TREH: variants seen among roughly 807,000 people sequenced by gnomAD.
TREH encodes alpha,alpha-trehalose glucohydrolase.
In TREH, 69 loss-of-function variants were observed where a neutral mutation model predicts 80.5. The ratio of observed to expected loss-of-function variants is 0.86; its 90% confidence interval spans 0.71 to 1.05. The LOEUF is 1.05. Ranked by LOEUF, TREH falls within the 50% of genes least tolerant of loss-of-function variation. The pLI, the probability that TREH is intolerant of heterozygous loss-of-function variation, is 0.00. For synonymous variants in TREH, 309 were observed against 293.5 expected (o/e 1.05, Z -0.54); for missense variants, 716 against 718.8 (o/e 1.00, Z 0.04).
chr11:118,675,066 C>A (rs1949464735), intron 1 of TREH, among the ~76,000 whole-genome samples: 1 of 134,886 alleles, frequency 7.4e-6, no homozygotes, highest in Non-Finnish European at 1.6e-5. Context: ...AGTCAACTCC[C>A]CAAAAGTTAG....
rs782653903 is a variant in TREH at position 118,679,618 on chromosome 11, T to G, written c.10A>C (p.Arg4=). 2 of 1,529,110 alleles carry G rather than the reference T, an allele frequency of 1.3e-6. No individual in the cohort carries two copies. The highest frequency in any genetic ancestry group is 2.7e-5 in the African/African-American group (2 of 73,042). 94.7% of individuals were successfully genotyped at this position (1,529,110 alleles called of 1,614,324 possible). Residue 4 remains arginine, a synonymous_variant, in exon 1 of 15, where the codon AGG becomes CGG. Transcript: ENST00000264029. ...AGTAGCAGGCACAGCTCCCAGGTCC[T>G]CCCTGGCATGGTGGCTGTGACTGTG... MPG[R]TWELCLLLLL... is the part of the protein sequence containing the mutation.
rs58330409 is a variant in TREH, at chr11:118,674,704, G to A, written c.89+4835C>T. Among the ~76,000 whole-genome samples the A allele has an allele frequency of 0.01, 1,589 of 152,122 alleles. 25 individuals carry two copies. Among genetic ancestry groups the A allele is most frequent in the African/African-American group, 0.035 (1,442 of 41,488 alleles). ...ATTACAGGTGCGCACCACCACACCC[G>A]GCTAATTTTGTATTTTTAGTAGAGA... On this transcript the variant is annotated intron_variant, in intron 1 of 14. Transcript: ENST00000264029. This position sits in a 1 kb window ranked among gnomAD's most constrained non-coding sequence, Gnocchi z 4.4.
chr11:118,664,101 T>A (rs1555145468), intron 1 of TREH, among the ~76,000 whole-genome samples: 1 of 152,116 alleles, frequency 6.6e-6, no homozygotes, highest in East Asian at 1.9e-4. Context: ...GAGGTGCTAA[T>A]GGTATTCAGG....
chr11:118,661,076 C>G lies in TREH; in HGVS notation c.857+84G>C, dbSNP rs1949315752. On this transcript the variant is annotated intron_variant, in intron 8 of 14. Coordinates refer to ENST00000264029, the MANE Select transcript of TREH (RefSeq NM_007180.3). This position sits in a 1 kb window ranked among gnomAD's most constrained non-coding sequence, Gnocchi z 4.2. Reference sequence around the variant, plus strand: ...CCATCTGAGAGGCCAGGCTAAGTCACTCCTCCTCCTGCCCGGGGCATTGTG... The same window carrying G: ...CCATCTGAGAGGCCAGGCTAAGTCAGTCCTCCTCCTGCCCGGGGCATTGTG... The G allele has an allele frequency of 6.3e-7, 1 of 1,597,302 alleles. No homozygotes were observed. The highest frequency in any genetic ancestry group is 8.5e-7 in the Non-Finnish European group (1 of 1,170,268).
chr11:118,668,920 T>A (rs1329505983), intron 1 of TREH, among the ~76,000 whole-genome samples: 1 of 151,982 alleles, frequency 6.6e-6, no homozygotes, highest in Non-Finnish European at 1.5e-5. Context: ...CAAGACTCCA[T>A]CTCGGAATGA....
intron 1 of TREH, among the ~76,000 whole-genome samples, chr11:118,665,480 AG>A (rs1437395894): frequency 1.3e-5 from 2 of 152,046 alleles, no homozygotes; most frequent in Admixed American, 1.3e-4. Context: ...TCTACTAAAA[AG>A]TACAAAAAAT....
Position 118,658,749 on chromosome 11 carries a change from T to G in TREH, c.1546-16A>C, listed in dbSNP as rs1949260496. On this transcript the variant is annotated splice_polypyrimidine_tract_variant and intron_variant, in intron 13 of 14. Transcript: ENST00000264029. ...TGACGTCATACTGGGGACAAGCGGG[T>G]GGGCTGTATGTCAGGTACTGCCCCC... The G allele has an allele frequency of 6.2e-7, 1 of 1,608,174 alleles. No homozygotes were observed. Among genetic ancestry groups the G allele is most frequent in the African/African-American group, 1.3e-5 (1 of 74,770 alleles).
intron 1 of TREH, among the ~76,000 whole-genome samples, chr11:118,670,154 A>G (rs1949417958): frequency 6.6e-6 from 1 of 152,232 alleles, no homozygotes; most frequent in African/African-American, 2.4e-5. Context: ...GGTCAGGCTG[A>G]TATCACTTGG....
rs781785205 is a variant in TREH at position 118,661,253 on chromosome 11, A to G, written c.764T>C (p.Leu255Ser). 6.2e-7 allele frequency: 1 copy of G among 1,613,902 alleles called. No homozygotes were observed. Among genetic ancestry groups the G allele is most frequent in the Non-Finnish European group, 8.5e-7 (1 of 1,179,870 alleles). ...AGTCCTGTTCTTGGTCCAAAAGTCC[A>G]ATTCCAAGGCTAGTGTTTCAATGTT... Reference protein sequence around the residue: ...QENIETLALELDFWTKNRTVS... With the variant: ...QENIETLALESDFWTKNRTVS... The change falls in exon 8 of 15, where the codon TTG (leucine) becomes TCG (serine). Residue 255 changes from leucine to serine, a missense_variant. Coordinates refer to ENST00000264029, the MANE Select transcript of TREH (RefSeq NM_007180.3). The surrounding 1 kb of genome is among the most constrained non-coding windows in gnomAD (Gnocchi z 4.2).
In TREH at chr11:118,676,193, C is replaced by T. The variant is rs77757835; in HGVS notation, c.89+3346G>A. 6.3e-3 allele frequency among the ~76,000 whole-genome samples: 954 copies of T among 152,342 alleles called. 12 individuals are homozygous for T. Among genetic ancestry groups the T allele is most frequent in the African/African-American group, 0.021 (887 of 41,564 alleles). On this transcript the variant is annotated intron_variant, in intron 1 of 14. Transcript: ENST00000264029. ...ACACACATGCTTGGCCTTTCTGGCA[C>T]GGCCTGCCTTCATGTGGAGTCGTCT...
At chr11:118,663,470 TCAC>T (rs1333656547) in intron 1 of TREH, 31 bp from the exon 2 acceptor site, 10 of 1,514,964 alleles carry the variant, frequency 6.6e-6, no homozygotes, top group Non-Finnish European at 8.1e-6. Context: ...GCAGGTCAGG[TCAC>T]CACCACCACC....
Position 118,679,555 on chromosome 11 carries a change from G to A in TREH, c.73C>T (p.Pro25Ser). Residue 25 changes from proline to serine, a missense_variant, in exon 1 of 15, where the codon CCC becomes TCC. By Grantham distance (74) the Pro-to-Ser change is moderately conservative. Transcript: ENST00000264029. ...CACCCCTACCTCTCACAGGGTGGGG[G>A]TAGGGCCTCCTGGGACCCCAGTCCC... ...GLGLGSQEAL[P>S]PPCESEIYCH... is the part of the protein sequence containing the mutation. The A allele has an allele frequency of 1.3e-6, 2 of 1,540,928 alleles. No individual in the cohort carries two copies. The highest frequency in any genetic ancestry group is 1.4e-5 in the African/African-American group (1 of 73,374).
At chr11:118,679,451 C>T in intron 1 of TREH, 88 bp downstream of exon 1, 2 of 1,354,846 alleles carry the variant, frequency 1.5e-6, no homozygotes, top group Non-Finnish European at 1.9e-6. Flanking sequence ...CTTCCTTTCC[C>T]TCTGAAGTAC....
chr11:118,660,069 A>G, intron 10 of TREH, 105 bp from the exon 11 acceptor site: 1 of 1,076,796 alleles, frequency 9.3e-7, no homozygotes, highest in Admixed American at 2.3e-5. Context: ...TTCTCTGCAA[A>G]GGCTGAGACA....
chr11:118,665,907 G>C (rs1555145629), intron 1 of TREH, among the ~76,000 whole-genome samples: 1 of 152,180 alleles, frequency 6.6e-6, no homozygotes, highest in African/African-American at 2.4e-5. Context: ...CAGTGGCCAA[G>C]CCTAATGTCC....
chr11:118,657,969 TG>T lies in TREH; in HGVS notation c.*319del, dbSNP rs782698332. On this transcript the variant is annotated 3_prime_UTR_variant, in exon 15 of 15. Transcript: ENST00000264029. ...AGCCCTTGGTTGCCTGGGCCCAGGC[TG>T]GGGGTTTTCAGTATTTGTAAGCATT... 1.7e-5 allele frequency: 5 copies of T among 295,900 alleles called. No homozygotes were observed. The highest frequency in any genetic ancestry group is 2.6e-5 in the Non-Finnish European group (4 of 156,276). 18.3% of individuals were successfully genotyped at this position (295,900 alleles called of 1,614,324 possible). A position where few individuals can be genotyped will look rare whatever the true frequency, so the allele number is the denominator to read the frequency against.
chr11:118,678,866 G>A (rs1339656632), intron 1 of TREH, among the ~76,000 whole-genome samples: 1 of 152,226 alleles, frequency 6.6e-6, no homozygotes, highest in Non-Finnish European at 1.5e-5. Context: ...GAGAATATGA[G>A]GGTCAGGGCT....
intron 4 of TREH, among the ~76,000 whole-genome samples, chr11:118,662,356 C>T (rs367744437): frequency 6.6e-6 from 1 of 152,354 alleles, no homozygotes; most frequent in African/African-American, 2.4e-5. Context: ...ATCCTTGCTG[C>T]CACCACCCAG....
chr11:118,660,999 C>G, intron 8 of TREH, 84 bp from the exon 9 acceptor site: 2 of 1,545,978 alleles, frequency 1.3e-6, no homozygotes, highest in Non-Finnish European at 1.8e-6. Context: ...CCATCTTGAT[C>G]CAGCTGCCCT....
Sources: allele counts gnomAD v4.1 joint callset (sites outside exome capture counted in the v4.1 genomes callset), GRCh38; gene constraint gnomAD v4.1.1; non-coding constraint Gnocchi (gnomAD v3.1); transcripts MANE v1.5; gene names NCBI Gene and HGNC (gene_info 2026-07-23, HGNC 2026-07-21).